Variants in PDE10A observed in about 807,000 individuals in gnomAD.
PDE10A encodes the protein phosphodiesterase 10A.
PDE10A carries 39 observed loss-of-function variants against 97.7 expected under a neutral mutation model. The observed-to-expected ratio is 0.40, with a 90% confidence interval of 0.31 to 0.52. PDE10A has a LOEUF of 0.52. PDE10A is among the 20% of genes least tolerant of loss of function. The pLI, the probability that PDE10A is intolerant of heterozygous loss-of-function variation, is 0.56. For synonymous variants in PDE10A, 371 were observed against 376.8 expected, an observed-to-expected ratio of 0.98 and a Z score of 0.18; for missense variants, 731 against 1,047.8, an observed-to-expected ratio of 0.70 and a Z score of 4.17.
intron 4 of PDE10A, among the ~76,000 whole-genome samples, 180 bp from the exon 5 acceptor site, chr6:165,449,157 T>C (rs1344678519): frequency 6.6e-6 from 1 of 152,200 alleles, no homozygotes; most frequent in Admixed American, 6.5e-5. Flanking sequence ...AATTAAAATA[T>C]CCTCTACATT....
chr6:165,654,776 C>T lies in PDE10A; in HGVS notation c.865+7171G>A, dbSNP rs142691431. Reference sequence around the variant, plus strand: ...TGCCACTCCACCGCAATCTCCCGACCGAGGCCACGGACGACCTCCTGGCTG... The same window carrying T: ...TGCCACTCCACCGCAATCTCCCGACTGAGGCCACGGACGACCTCCTGGCTG... On this transcript the variant is annotated intron_variant, in intron 1 of 21. Coordinates refer to ENST00000539869, the MANE Select transcript of PDE10A (RefSeq NM_001385079.1). 5.5e-3 allele frequency among the ~76,000 whole-genome samples: 830 copies of T among 152,260 alleles called. 5 individuals carry two copies. The highest frequency in any genetic ancestry group is 0.019 in the African/African-American group (779 of 41,550).
At chr6:165,820,921 T>C (rs929864610) in intron 1 of PDE10A, among the ~76,000 whole-genome samples, 1 of 152,230 alleles carries the variant, frequency 6.6e-6, no homozygotes, top group Non-Finnish European at 1.5e-5. Flanking sequence ...GCTCAATAAA[T>C]ACTTGAAGGA....
intron 2 of PDE10A, among the ~76,000 whole-genome samples, chr6:165,492,110 G>A (rs1780261962): frequency 6.6e-6 from 1 of 152,080 alleles, no homozygotes; most frequent in South Asian, 2.1e-4. Flanking sequence ...GAAATCTAGA[G>A]GAGATGGATA....
intron 1 of PDE10A, among the ~76,000 whole-genome samples, chr6:165,747,664 A>T (rs1204360024): frequency 6.6e-6 from 1 of 152,180 alleles, no homozygotes; most frequent in Admixed American, 6.5e-5. Flanking sequence ...ACCTGAAGGC[A>T]GAAAGAAAAT....
At chr6:165,703,104 G>A (rs1306052835) in intron 1 of PDE10A, among the ~76,000 whole-genome samples, 2 of 152,202 alleles carry the variant, frequency 1.3e-5, no homozygotes, top group African/African-American at 2.4e-5. Context: ...TGGAGGCTGC[G>A]CTGTGTTGCA....
intron 1 of PDE10A, among the ~76,000 whole-genome samples, chr6:165,787,347 A>G (rs970397036): frequency 5.9e-5 from 9 of 152,190 alleles, no homozygotes; most frequent in African/African-American, 2.2e-4. Context: ...GGGATTGGAC[A>G]CTAGTGATGA....
At chr6:165,802,647 C>T (rs761324055) in intron 1 of PDE10A, among the ~76,000 whole-genome samples, 2 of 152,224 alleles carry the variant, frequency 1.3e-5, no homozygotes, top group Non-Finnish European at 2.9e-5. Context: ...CCCTAAAGCT[C>T]AGACTTTATC....
chr6:165,685,133 G>A (rs572430239), intron 1 of PDE10A, among the ~76,000 whole-genome samples: 1 of 152,258 alleles, frequency 6.6e-6, no homozygotes, highest in African/African-American at 2.4e-5. Flanking sequence ...AATTCTAGGA[G>A]AGTCAATTTT....
At chr6:165,398,499 C>CAAA (rs376168637) in intron 13 of PDE10A, among the ~76,000 whole-genome samples, 70 of 90,744 alleles carry the variant, frequency 7.7e-4, no homozygotes, top group African/African-American at 4.4e-3. Context: ...CTCTCTCTCT[C>CAAA]AAAAAAAAAA....
At chr6:165,894,401 A>G (rs2128482925) in intron 1 of PDE10A, 1 of 456,114 alleles carries the variant, frequency 2.2e-6, no homozygotes, top group Non-Finnish European at 4.4e-6. Context: ...AAACCACAAG[A>G]TGAAATTAAA....
At position 165,346,045 on chromosome 6, in the gene PDE10A, C is replaced by T. The variant is rs544849553; in HGVS notation, c.2784-2543G>A. Among the ~76,000 whole-genome samples, 106 of 152,204 alleles carry T rather than the reference C, an allele frequency of 7.0e-4. 1 individual carries two copies. The South Asian group carries it at 0.02, about 29-fold the overall frequency. On this transcript the variant is annotated intron_variant, in intron 18 of 21. Transcript: ENST00000539869. Reference sequence around the variant, plus strand: ...ACAGTGAATGAAGTGAAACATGGAACGTAGTTAAGTTTGGAGAAACAGGCT... The same window carrying T: ...ACAGTGAATGAAGTGAAACATGGAATGTAGTTAAGTTTGGAGAAACAGGCT...
chr6:165,983,331 T>C (rs1183951439), intron 1 of PDE10A, among the ~76,000 whole-genome samples: 1 of 152,108 alleles, frequency 6.6e-6, no homozygotes. Context: ...CACAGCACAA[T>C]AGCCAGGAAG....
At chr6:165,826,286 C>T (rs764146666) in intron 1 of PDE10A, among the ~76,000 whole-genome samples, 82 of 110,576 alleles carry the variant, frequency 7.4e-4, no homozygotes, top group East Asian at 6.1e-3. Context: ...CGATGTCCCT[C>T]TGTCCCCATG....
intron 1 of PDE10A, among the ~76,000 whole-genome samples, chr6:165,898,407 G>T (rs1041219403): frequency 6.6e-6 from 1 of 151,918 alleles, no homozygotes. Context: ...CACCCTTTAG[G>T]TCTCGAAGTC....
chr6:165,596,998 C>G (rs750544041), intron 1 of PDE10A, among the ~76,000 whole-genome samples: 6 of 151,940 alleles, frequency 3.9e-5, no homozygotes, highest in Non-Finnish European at 8.8e-5. Flanking sequence ...CAAATTTTAC[C>G]TACTTGGTGC....
intron 1 of PDE10A, among the ~76,000 whole-genome samples, chr6:165,864,218 C>T (rs538009120): frequency 6.6e-6 from 1 of 152,286 alleles, no homozygotes; most frequent in South Asian, 2.1e-4. Flanking sequence ...GCTTATAAAA[C>T]TTTAAAGAAT....
intron 3 of PDE10A, among the ~76,000 whole-genome samples, chr6:165,464,820 C>T (rs940222993): frequency 6.6e-6 from 1 of 152,168 alleles, no homozygotes; most frequent in Non-Finnish European, 1.5e-5. Flanking sequence ...AGCCATGGTA[C>T]TATGTGTTTC....
At chr6:165,564,759 A>G (rs1784693087) in intron 1 of PDE10A, among the ~76,000 whole-genome samples, 1 of 152,210 alleles carries the variant, frequency 6.6e-6, no homozygotes, top group Non-Finnish European at 1.5e-5. Context: ...CTTACTTTAA[A>G]CATTTTATTT....
intron 1 of PDE10A, among the ~76,000 whole-genome samples, chr6:165,727,445 C>T (rs1361033404): frequency 1.3e-5 from 2 of 152,166 alleles, no homozygotes; most frequent in Non-Finnish European, 2.9e-5. Flanking sequence ...TTTCAAAAGA[C>T]AAGGCTAGAT....
Sources: allele counts gnomAD v4.1 joint callset (sites outside exome capture counted in the v4.1 genomes callset), GRCh38; gene constraint gnomAD v4.1.1; transcripts MANE v1.5; gene names NCBI Gene and HGNC (gene_info 2026-07-23, HGNC 2026-07-21).